Variants in TRPS1 observed in about 807,000 individuals in gnomAD.
TRPS1 encodes the protein transcriptional repressor GATA binding 1.
In TRPS1, 6 loss-of-function variants were observed where a neutral mutation model predicts 101.2. The observed-to-expected ratio is 0.06, with a 90% CI of 0.03 to 0.12. TRPS1 has a LOEUF of 0.12. TRPS1 is among the 10% of genes least tolerant of loss of function. The pLI, the probability that TRPS1 is intolerant of heterozygous loss-of-function variation, is 1.00. For synonymous variants in TRPS1, 578 were observed against 589.8 expected (o/e 0.98, Z 0.29); for missense variants, 1,363 against 1,567.0 (o/e 0.87, Z 2.20).
intron 1 of TRPS1, among the ~76,000 whole-genome samples, chr8:115,657,881 C>T (rs1199071133): frequency 6.6e-6 from 1 of 151,968 alleles, no homozygotes. Flanking sequence ...TTTTCCTCTT[C>T]TTAGACACTG....
chr8:115,439,680 A>G (rs1369020017), intron 5 of TRPS1, among the ~76,000 whole-genome samples: 1 of 152,190 alleles, frequency 6.6e-6, no homozygotes, highest in African/African-American at 2.4e-5. Context: ...AACAGCTGTA[A>G]AACTAAACCT....
rs1021458821 is a variant in TRPS1 at position 115,587,591 on chromosome 8, A to T, written c.2110T>A (p.Cys704Ser). The T allele has an allele frequency of 1.9e-6, 3 of 1,614,182 alleles. No homozygotes were observed. The highest frequency in any genetic ancestry group is 2.5e-6 in the Non-Finnish European group (3 of 1,180,028). The change falls in exon 5 of 7, where the codon TGC becomes AGC. Residue 704 changes from cysteine (C) to serine (S), a missense_variant. Physicochemically the swap from Cys to Ser is moderately radical, Grantham distance 112. This residue lies in a region of TRPS1 where 1,020 missense variants were observed against 1,073.0 expected (regional missense o/e 0.95). Coordinates refer to ENST00000395715, the MANE Select transcript of TRPS1 (RefSeq NM_014112.5). ...AAACTGCACTGACGGCATTTGTAGC[A>T]GCTGTGTGCTCTCCTGGAGAAGAAG... ...ISRHYRRAHS[C>S]YKCRQCSFTA...
Position 115,587,612 on chromosome 8 carries a change from A to C in TRPS1, c.2097-8T>G. On this transcript the variant is annotated splice_region_variant and splice_polypyrimidine_tract_variant and intron_variant, in intron 4 of 6. Transcript: ENST00000395715. Reference sequence around the variant, plus strand: ...TAGCAGCTGTGTGCTCTCCTGGAGAAGAAGAAAACAGTTACTGCAAAGACA... The same window carrying C: ...TAGCAGCTGTGTGCTCTCCTGGAGACGAAGAAAACAGTTACTGCAAAGACA... The C allele has an allele frequency of 6.2e-7, 1 of 1,614,008 alleles. No homozygotes were observed. The highest frequency in any genetic ancestry group is 1.3e-5 in the African/African-American group (1 of 75,062).
At chr8:115,530,967 T>G (rs1314909324) in intron 5 of TRPS1, among the ~76,000 whole-genome samples, 1 of 152,016 alleles carries the variant, frequency 6.6e-6, no homozygotes. Flanking sequence ...CATTAGGAGA[T>G]ATACCTAATG....
chr8:115,551,410 A>G (rs1325739124), intron 5 of TRPS1, among the ~76,000 whole-genome samples: 3 of 152,114 alleles, frequency 2.0e-5, no homozygotes, highest in Non-Finnish European at 2.9e-5. Context: ...CTTATGATGT[A>G]GTGTTTTCCT....
intron 5 of TRPS1, among the ~76,000 whole-genome samples, chr8:115,434,091 T>TA (rs5894258): frequency 1 from 152,242 of 152,242 alleles, 76,121 homozygotes; most frequent in Non-Finnish European, 1. Context: ...GCATGATAAT[T>TA]AGCCCAGGAT....
intron 5 of TRPS1, among the ~76,000 whole-genome samples, chr8:115,572,994 G>A (rs971006573): frequency 2.0e-5 from 3 of 152,074 alleles, no homozygotes; most frequent in East Asian, 1.9e-4. Context: ...TTAGCCAGGC[G>A]TGGTGGCGCA....
At position 115,637,247 on chromosome 8, in the gene TRPS1, T is replaced by C. The variant is rs1818791145; in HGVS notation, c.-121-13489A>G. The C allele has an allele frequency of 6.1e-6, 6 of 985,186 alleles. No homozygotes were observed. The Middle Eastern group carries it at 1.5e-3, about 254-fold the overall frequency. 61.0% of individuals were successfully genotyped at this position (985,186 alleles called of 1,614,324 possible). A position where few individuals can be genotyped will look rare whatever the true frequency, so the allele number is the denominator to read the frequency against. ...CAAATGGCTCACATGGAAGACGTGG[T>C]TGCCAAGGTTAATAAGACAGAATCT... On this transcript the variant is annotated intron_variant, in intron 1 of 6. Transcript: ENST00000395715.
At chr8:115,532,469 G>GTCTAGTGTCTA (rs1816160071) in intron 5 of TRPS1, among the ~76,000 whole-genome samples, 1 of 152,026 alleles carries the variant, frequency 6.6e-6, no homozygotes, top group Non-Finnish European at 1.5e-5. Flanking sequence ...TCCCCATCTT[G>GTCTAGTGTCTA]GAAGCTCAGT....
Position 115,604,168 on chromosome 8 carries a change from T to C in TRPS1, c.1801A>G (p.Arg601Gly), listed in dbSNP as rs775230082. Reference sequence around the variant, plus strand: ...GCACAGTGGGAACAATTACTTTTTCTACAAGCAAACGGATAAGTAATTTCT... The same window carrying C: ...GCACAGTGGGAACAATTACTTTTTCCACAAGCAAACGGATAAGTAATTTCT... ...LGEITYPFAC[R>G]KSNCSHCALL... Residue 601 changes from arginine (R) to glycine (G), a missense_variant, in exon 4 of 7, where the codon AGA becomes GGA. Physicochemically the swap from Arg to Gly is moderately radical, Grantham distance 125. This residue lies in a region of TRPS1 where 1,020 missense variants were observed against 1,073.0 expected (regional missense o/e 0.95). Coordinates refer to ENST00000395715, the MANE Select transcript of TRPS1 (RefSeq NM_014112.5). This position sits in a 1 kb window ranked among gnomAD's most constrained non-coding sequence, Gnocchi z 4.1. 1.2e-5 allele frequency: 20 copies of C among 1,614,098 alleles called. 1 individual carries two copies. The South Asian group carries it at 1.3e-4, about 11-fold the overall frequency.
chr8:115,477,438 T>G (rs1212985022), intron 5 of TRPS1, among the ~76,000 whole-genome samples: 2 of 152,222 alleles, frequency 1.3e-5, no homozygotes. Flanking sequence ...TGCTCCTGTA[T>G]CTTTACCTTC....
chr8:115,489,114 T>C (rs1814959327), intron 5 of TRPS1, among the ~76,000 whole-genome samples: 1 of 152,200 alleles, frequency 6.6e-6, no homozygotes, highest in African/African-American at 2.4e-5. Context: ...GCCCCCATTC[T>C]TATGCAAAAT....
chr8:115,492,027 G>A (rs1263379993), intron 5 of TRPS1, among the ~76,000 whole-genome samples: 3 of 151,934 alleles, frequency 2.0e-5, no homozygotes, highest in Non-Finnish European at 2.9e-5. Flanking sequence ...AAAGGTTAAG[G>A]GTCTTTTAAT....
At chr8:115,653,240 C>A (rs1811603915) in intron 1 of TRPS1, among the ~76,000 whole-genome samples, 1 of 152,002 alleles carries the variant, frequency 6.6e-6, no homozygotes, top group Admixed American at 6.5e-5. Flanking sequence ...CTCATAAGCA[C>A]TGATAGGGTT....
At chr8:115,477,400 C>A (rs1814633955) in intron 5 of TRPS1, among the ~76,000 whole-genome samples, 1 of 152,222 alleles carries the variant, frequency 6.6e-6, no homozygotes, top group Non-Finnish European at 1.5e-5. Flanking sequence ...TCCTTCACAA[C>A]TGGTAGAGGC....
At chr8:115,425,839 A>G (rs977361297) in intron 5 of TRPS1, among the ~76,000 whole-genome samples, 8 of 152,216 alleles carry the variant, frequency 5.3e-5, no homozygotes, top group African/African-American at 1.4e-4. Flanking sequence ...TATTTGGTAA[A>G]GGAGCAAACC....
At chr8:115,475,305 T>TATATATATATATATATATATA (rs1586311392) in intron 5 of TRPS1, among the ~76,000 whole-genome samples, 1 of 145,008 alleles carries the variant, frequency 6.9e-6, no homozygotes, top group African/African-American at 2.6e-5. Flanking sequence ...TATATATATA[T>TATATATATATATATATATATA]TTGTTATCAG....
intron 5 of TRPS1, among the ~76,000 whole-genome samples, chr8:115,448,642 A>G (rs1447093778): frequency 6.6e-6 from 1 of 152,164 alleles, no homozygotes; most frequent in East Asian, 1.9e-4. Context: ...CTCTCACTTT[A>G]TCACAACTTT....
At chr8:115,498,228 A>G (rs1244666612) in intron 5 of TRPS1, among the ~76,000 whole-genome samples, 1 of 151,532 alleles carries the variant, frequency 6.6e-6, no homozygotes, top group Non-Finnish European at 1.5e-5. Context: ...AAACACAAAA[A>G]ATTAGCCGGG....
Sources: allele counts gnomAD v4.1 joint callset (sites outside exome capture counted in the v4.1 genomes callset), GRCh38; gene constraint gnomAD v4.1.1; regional missense constraint gnomAD v4.1.1; non-coding constraint Gnocchi (gnomAD v3.1); transcripts MANE v1.5; gene names NCBI Gene and HGNC (gene_info 2026-07-23, HGNC 2026-07-21).